The following ARHGEF40 variants were observed in gnomAD, a reference collection of about 807,000 sequenced individuals.
The protein encoded by ARHGEF40 is Rho guanine nucleotide exchange factor (GEF) 40.
Under a neutral mutation model 165.9 loss-of-function variants are expected in ARHGEF40, and 98 were observed. The ratio of observed to expected loss-of-function variants is 0.59; its 90% CI spans 0.50 to 0.70. The LOEUF (loss-of-function observed/expected upper bound fraction) is 0.70. ARHGEF40 is among the 30% of genes least tolerant of loss of function. ARHGEF40 has a pLI of 0.00. For synonymous variants in ARHGEF40, 792 were observed against 814.3 expected (o/e 0.97, Z 0.47); for missense variants, 1,815 against 1,968.0 (o/e 0.92, Z 1.47).
chr14:21,086,778 T>G (rs1888367099), intron 19 of ARHGEF40: 1 of 516,332 alleles, frequency 1.9e-6, no homozygotes, highest in South Asian at 2.4e-5. Context: ...TGCAACATAT[T>G]GGAGAGAAGA....
At chr14:21,067,980 C>CTTTTTTTTTT (rs1171332473), upstream of ARHGEF40, among the ~76,000 whole-genome samples, 18 of 22,284 alleles carry the variant, frequency 8.1e-4, 6 homozygotes, top group Non-Finnish European at 1.9e-3. Flanking sequence ...AGTGGCTCCC[C>CTTTTTTTTTT]TTTTTTTTTT....
At chr14:21,068,194 T>A, upstream of ARHGEF40, among the ~76,000 whole-genome samples, 2 of 22,200 alleles carry the variant, frequency 9.0e-5, 1 homozygote, top group East Asian at 3.4e-3. Flanking sequence ...AGAGACGGGG[T>A]TTCACCGTGT....
rs1566540502 is a variant in ARHGEF40, at chr14:21,087,332, GGGCCTCCGT to G, written c.4261_4269del (p.Ser1421_Ala1423del). ...CCACTCTCTGCAGCCGCCCGCACCCGGGCCTCCGTGGCCGTGTCATCCTTTGAGCATGCC... is the reference window on the plus strand; with the variant it reads ...CCACTCTCTGCAGCCGCCCGCACCCGGGCCGTGTCATCCTTTGAGCATGCC... On this transcript the variant is annotated inframe_deletion, in exon 21 of 24. Coordinates refer to ENST00000298694, the MANE Select transcript of ARHGEF40 (RefSeq NM_018071.5). 2 of 1,603,512 alleles carry G rather than the reference GGGCCTCCGT, an allele frequency of 1.2e-6. No individual in the cohort carries two copies. The highest frequency in any genetic ancestry group is 2.2e-5 in the South Asian group (2 of 91,006).
At position 21,074,428 on chromosome 14, in the gene ARHGEF40, C is replaced by G. The variant is rs147702351; in HGVS notation, c.698C>G (p.Ala233Gly). 3 of 1,608,076 alleles carry G rather than the reference C, an allele frequency of 1.9e-6. No individual in the cohort carries two copies. Among genetic ancestry groups the G allele is most frequent in the Non-Finnish European group, 8.5e-7 (1 of 1,177,662 alleles). Reference sequence around the variant, plus strand: ...CGGAGTCCTGGGGATGGGCACAATGCCCCTGTGGAAGGACCTGAGGGCGAG... The same window carrying G: ...CGGAGTCCTGGGGATGGGCACAATGGCCCTGTGGAAGGACCTGAGGGCGAG... ...GTRSPGDGHNAPVEGPEGEYV... is the reference protein window; with the variant it reads ...GTRSPGDGHNGPVEGPEGEYV... Residue 233 changes from alanine to glycine, a missense_variant, in exon 3 of 24, where the codon GCC becomes GGC. Ala to Gly is a moderately conservative substitution (Grantham distance 60, BLOSUM62 0). Transcript: ENST00000298694. The surrounding 1 kb of genome is among the most constrained non-coding windows in gnomAD (Gnocchi z 4.8).
At position 21,088,875 on chromosome 14, in the gene ARHGEF40, G is replaced by A. The variant is rs1412913282; in HGVS notation, c.*4G>A. The A allele has an allele frequency of 1.2e-6, 2 of 1,612,200 alleles. No homozygotes were observed. The highest frequency in any genetic ancestry group is 1.3e-5 in the African/African-American group (1 of 74,836). On this transcript the variant is annotated splice_region_variant and 3_prime_UTR_variant, in exon 23 of 24. Transcript: ENST00000298694. Reference sequence around the variant, plus strand: ...TGACCCCACCACGCCTCTGTGACCTGGGTGAGTCAGCATCCCCAATTTCTA... The same window carrying A: ...TGACCCCACCACGCCTCTGTGACCTAGGTGAGTCAGCATCCCCAATTTCTA...
At chr14:21,066,052 T>C (rs1886245732), upstream of ARHGEF40, among the ~76,000 whole-genome samples, 1 of 152,094 alleles carries the variant, frequency 6.6e-6, no homozygotes, top group Non-Finnish European at 1.5e-5. Context: ...TGAGTCCAGA[T>C]TGCAACACTG....
Position 21,072,928 on chromosome 14 carries a change from G to T in ARHGEF40, c.4-117G>T. ...AGCATTTCCTGAGTGCTCACTTTTTGCCCACATTGTACAATCGGGGCTTTG... is the reference window on the plus strand; with the variant it reads ...AGCATTTCCTGAGTGCTCACTTTTTTCCCACATTGTACAATCGGGGCTTTG... On this transcript the variant is annotated intron_variant, in intron 1 of 23. Coordinates refer to ENST00000298694, the MANE Select transcript of ARHGEF40 (RefSeq NM_018071.5). The surrounding 1 kb of genome is among the most constrained non-coding windows in gnomAD (Gnocchi z 4.1). 9.5e-7 allele frequency: 1 copy of T among 1,048,370 alleles called. No individual in the cohort carries two copies. The highest frequency in any genetic ancestry group is 1.4e-6 in the Non-Finnish European group (1 of 715,368). The allele number at this position is 1,048,370 out of a possible 1,614,324, so 64.9% of individuals were successfully genotyped here. A position where few individuals can be genotyped will look rare whatever the true frequency, so the allele number is the denominator to read the frequency against.
upstream of ARHGEF40, among the ~76,000 whole-genome samples, chr14:21,068,161 G>A (rs1317751042): frequency 4.1e-5 from 2 of 48,846 alleles, 1 homozygote; most frequent in Non-Finnish European, 1.2e-4. Flanking sequence ...TACCACGCCC[G>A]GCTAATTTTT....
In ARHGEF40 at chr14:21,081,591, T is replaced by A. The variant is rs1045496279; in HGVS notation, c.2723T>A (p.Leu908Gln). 24 of 1,611,786 alleles carry A rather than the reference T, an allele frequency of 1.5e-5. No individual in the cohort carries two copies. The highest frequency in any genetic ancestry group is 1.9e-5 in the Non-Finnish European group (22 of 1,179,496). The change falls in exon 14 of 24, where the codon CTG (leucine) becomes CAG (glutamine). Residue 908 changes from leucine (L) to glutamine (Q), a missense_variant. Leu to Gln is a moderately radical substitution (Grantham distance 113). Transcript: ENST00000298694. ...GAGGCTGTGCTGGCTGCACTGGCCC[T>A]GCGGCGGGCCCCAGAGCCCAGTGCC... is the stretch of plus-strand genomic sequence containing the variant. ...GREAVLAALA[L>Q]RRAPEPSAGT... is the part of the protein sequence containing the mutation.
Position 21,083,816 on chromosome 14 carries a change from G to A in ARHGEF40, c.3574-19G>A, listed in dbSNP as rs762726833. 2 of 1,604,650 alleles carry A rather than the reference G, an allele frequency of 1.2e-6. No homozygotes were observed. The highest frequency in any genetic ancestry group is 2.2e-5 in the South Asian group (2 of 90,540). On this transcript the variant is annotated intron_variant, in intron 16 of 23. Coordinates refer to ENST00000298694, the MANE Select transcript of ARHGEF40 (RefSeq NM_018071.5). Reference sequence around the variant, plus strand: ...AGGCTCCACCCCTCCCCTCATCCCTGTCTGTGTCCTCAACCTAGGGCTCCA... The same window carrying A: ...AGGCTCCACCCCTCCCCTCATCCCTATCTGTGTCCTCAACCTAGGGCTCCA...
upstream of ARHGEF40, among the ~76,000 whole-genome samples, chr14:21,069,112 A>G (rs1313873968): frequency 6.6e-6 from 1 of 152,190 alleles, no homozygotes; most frequent in African/African-American, 2.4e-5. Context: ...CACCCTTTAG[A>G]AGAGCTCACG....
At chr14:21,086,256 A>G (rs1888323756) in intron 19 of ARHGEF40, 2 of 199,724 alleles carry the variant, frequency 1.0e-5, no homozygotes, top group South Asian at 1.6e-4. Flanking sequence ...ACGCACCTAT[A>G]GTCCTAGCTA....
chr14:21,085,829 T>A lies in ARHGEF40; in HGVS notation c.4101T>A (p.Ile1367=). The A allele has an allele frequency of 1.2e-6, 2 of 1,614,138 alleles. No individual in the cohort carries two copies. The highest frequency in any genetic ancestry group is 1.7e-6 in the Non-Finnish European group (2 of 1,180,032). Residue 1367 remains isoleucine (I), a synonymous_variant, in exon 19 of 24, where the codon ATT becomes ATA. Coordinates refer to ENST00000298694, the MANE Select transcript of ARHGEF40 (RefSeq NM_018071.5). ...TCAAACTCAAGTGGACAAGTTCTAT[T>A]GCCCAGCTGCTGTGGAGACAGGCAG... ...PEIKLKWTSS[I]AQLLWRQAAH...
Position 21,082,879 on chromosome 14 carries a change from C to T in ARHGEF40, c.3535C>T (p.Leu1179=). The T allele has an allele frequency of 6.2e-7, 1 of 1,614,238 alleles. No homozygotes were observed. Among genetic ancestry groups the T allele is most frequent in the Non-Finnish European group, 8.5e-7 (1 of 1,180,044 alleles). The change falls in exon 16 of 24, where the codon CTG becomes TTG. Residue 1179 remains leucine (L), a synonymous_variant. Coordinates refer to ENST00000298694, the MANE Select transcript of ARHGEF40 (RefSeq NM_018071.5). ...YAQYVKHRHK[L]ENGLAALSPL... Reference sequence around the variant, plus strand: ...ACAGTACGTGAAGCACCGACACAAACTGGAGAATGGTCTGGCTGCGCTCAG... The same window carrying T: ...ACAGTACGTGAAGCACCGACACAAATTGGAGAATGGTCTGGCTGCGCTCAG...
upstream of ARHGEF40, among the ~76,000 whole-genome samples, chr14:21,068,604 G>A (rs1335312048): frequency 6.6e-6 from 1 of 152,050 alleles, no homozygotes; most frequent in Non-Finnish European, 1.5e-5. Flanking sequence ...CAGTATTTAC[G>A]GAATGGACAC....
At position 21,081,602 on chromosome 14, in the gene ARHGEF40, C is replaced by G. The variant is rs1217902595; in HGVS notation, c.2734C>G (p.Pro912Ala). 6.2e-7 allele frequency: 1 copy of G among 1,611,264 alleles called. No homozygotes were observed. Among genetic ancestry groups the G allele is most frequent in the Non-Finnish European group, 8.5e-7 (1 of 1,179,298 alleles). Residue 912 changes from proline (P) to alanine (A), a missense_variant, in exon 14 of 24, where the codon CCA becomes GCA. Pro to Ala is a conservative substitution (Grantham distance 27, BLOSUM62 -1). Coordinates refer to ENST00000298694, the MANE Select transcript of ARHGEF40 (RefSeq NM_018071.5). ...VLAALALRRA[P>A]EPSAGTFQEM... is the part of the protein sequence containing the mutation. ...GGCTGCACTGGCCCTGCGGCGGGCCCCAGAGCCCAGTGCCGGCACCTTCCA... is the reference window on the plus strand; with the variant it reads ...GGCTGCACTGGCCCTGCGGCGGGCCGCAGAGCCCAGTGCCGGCACCTTCCA...
chr14:21,088,934 C>A, intron 23 of ARHGEF40, 58 bp downstream of exon 23: 1 of 1,548,544 alleles, frequency 6.5e-7, no homozygotes, highest in Non-Finnish European at 8.9e-7. Context: ...TTGCATGTAC[C>A]TTCCTTCCTG....
rs756302935 is a variant in ARHGEF40 at position 21,078,923 on chromosome 14, G to A, written c.2286G>A (p.Val762=). 6.2e-7 allele frequency: 1 copy of A among 1,614,192 alleles called. No individual in the cohort carries two copies. Among genetic ancestry groups the A allele is most frequent in the South Asian group, 1.1e-5 (1 of 91,072 alleles). Residue 762 remains valine (V), a synonymous_variant, in exon 11 of 24, where the codon GTG becomes GTA. Coordinates refer to ENST00000298694, the MANE Select transcript of ARHGEF40 (RefSeq NM_018071.5). ...GQGPATLYQE[V]DEAIHQLVRL... The stretch of plus-strand genomic sequence containing the variant: ...GCCCAGCTACACTGTATCAGGAAGT[G>A]GACGAGGCCATTCACCAGCTTGTGC...
rs758030337 is a variant in ARHGEF40, at chr14:21,087,006, C to T, written c.4144C>T (p.Arg1382Ter). 1.9e-6 allele frequency: 3 copies of T among 1,598,648 alleles called. No individual in the cohort carries two copies. The highest frequency in any genetic ancestry group is 2.6e-6 in the Non-Finnish European group (3 of 1,172,314). Residue 1382 changes from arginine to a stop codon, truncating the protein, a stop_gained, in exon 20 of 24, where the codon CGA becomes TGA. Transcript: ENST00000298694. LOFTEE classifies it high-confidence loss of function. ...WRQAAHNKEL[R>*]VQQMVSMGIG... is the part of the protein sequence containing the mutation. Reference sequence around the variant, plus strand: ...CAAGTGTCCCTATTCCCCAGAGCTCCGAGTGCAGCAGATGGTGTCCATGGG... The same window carrying T: ...CAAGTGTCCCTATTCCCCAGAGCTCTGAGTGCAGCAGATGGTGTCCATGGG...
Sources: gnomAD v4.1 joint callset for allele counts (sites outside exome capture counted in the v4.1 genomes callset) on GRCh38, gnomAD v4.1.1 for gene constraint, Gnocchi (gnomAD v3.1) non-coding constraint, MANE v1.5 for transcripts, NCBI Gene and HGNC (gene_info 2026-07-23, HGNC 2026-07-21) for gene names.